The following MAMDC2 variants were observed in gnomAD, a reference collection of about 807,000 sequenced individuals.
MAMDC2 encodes MAM domain-containing protein 2.
Under a neutral mutation model 89.8 loss-of-function variants are expected in MAMDC2, and 57 were observed. The observed-to-expected ratio is 0.63, with a 90% CI of 0.51 to 0.79. The LOEUF (loss-of-function observed/expected upper bound fraction) is 0.79. MAMDC2 is among the 30% of genes least tolerant of loss of function. The pLI is 0.00. For synonymous variants in MAMDC2, 313 were observed against 293.4 expected, an observed-to-expected ratio of 1.07 and a Z score of -0.68; for missense variants, 800 against 820.6, an observed-to-expected ratio of 0.97 and a Z score of 0.31.
intron 2 of MAMDC2, among the ~76,000 whole-genome samples, chr9:70,092,960 G>A (rs1003440004): frequency 6.6e-5 from 10 of 152,016 alleles, no homozygotes; most frequent in Non-Finnish European, 1.2e-4. Context: ...GAATATTCTT[G>A]TTCCTACTTG....
chr9:70,109,522 CATGCACACACATAT>C (rs1828441955), intron 3 of MAMDC2, among the ~76,000 whole-genome samples, 184 bp from the exon 4 acceptor site: 1 of 152,214 alleles, frequency 6.6e-6, no homozygotes, highest in African/African-American at 2.4e-5. Context: ...TGCACATGCG[CATGCACACACATAT>C]ATACACACAC....
intron 11 of MAMDC2, among the ~76,000 whole-genome samples, chr9:70,185,317 G>A (rs777366092): frequency 2.6e-5 from 4 of 152,302 alleles, no homozygotes; most frequent in Non-Finnish European, 4.4e-5. Context: ...GGTGTCTGTC[G>A]GTCCCTGCTG....
intron 7 of MAMDC2, among the ~76,000 whole-genome samples, chr9:70,137,279 G>A (rs1026607208): frequency 6.6e-6 from 1 of 152,106 alleles, no homozygotes; most frequent in African/African-American, 2.4e-5. Flanking sequence ...ATTTTGCCAT[G>A]TTTGCTTTAT....
At chr9:70,063,631 C>T (rs1827199699) in intron 2 of MAMDC2, among the ~76,000 whole-genome samples, 1 of 152,122 alleles carries the variant, frequency 6.6e-6, no homozygotes, top group Non-Finnish European at 1.5e-5. Context: ...CTTAATGTCT[C>T]TTCATTTACC....
intron 11 of MAMDC2, among the ~76,000 whole-genome samples, chr9:70,213,535 G>GT (rs1427306554): frequency 6.6e-6 from 1 of 152,052 alleles, no homozygotes; most frequent in East Asian, 1.9e-4. Context: ...ATATACTATG[G>GT]TCATTTTCAT....
chr9:70,061,442 G>A (rs1827149116), intron 2 of MAMDC2, among the ~76,000 whole-genome samples: 1 of 152,058 alleles, frequency 6.6e-6, no homozygotes, highest in South Asian at 2.1e-4. Flanking sequence ...TCACTGTATT[G>A]GTATTCTTTC....
intron 2 of MAMDC2, among the ~76,000 whole-genome samples, chr9:70,045,016 ACCAGCTGTGTGCCTCTGCAGG>A (rs745668885): frequency 1.1e-4 from 16 of 151,130 alleles, no homozygotes; most frequent in East Asian, 1.9e-4. Flanking sequence ...CTGCAGGCAC[ACCAGCTGTGTGCCTCTGCAGG>A]CCAGCAACCT....
rs537364532 is a variant in MAMDC2 at position 70,101,641 on chromosome 9, T to A, written c.149-6570T>A. Among the ~76,000 whole-genome samples the A allele has an allele frequency of 1.4e-3, 212 of 152,370 alleles. 1 individual carries two copies. Among genetic ancestry groups the A allele is most frequent in the Admixed American group, 3.2e-3 (49 of 15,308 alleles). ...CAGTACAGTAACATACTGTTACAGGTTTGTAGCCTAGGAGTAATAGGCTGT... is the reference window on the plus strand; with the variant it reads ...CAGTACAGTAACATACTGTTACAGGATTGTAGCCTAGGAGTAATAGGCTGT... On this transcript the variant is annotated intron_variant, in intron 2 of 13. Transcript: ENST00000377182.
At chr9:70,107,969 C>T (rs1828385201) in intron 2 of MAMDC2, among the ~76,000 whole-genome samples, 2 of 152,172 alleles carry the variant, frequency 1.3e-5, no homozygotes, top group Non-Finnish European at 2.9e-5. Context: ...AGACCACATG[C>T]CACCCTCTGA....
chr9:70,188,746 G>C (rs1045706700), intron 11 of MAMDC2: 1 of 129,716 alleles, frequency 7.7e-6, no homozygotes, highest in South Asian at 2.5e-4. Flanking sequence ...ACACTGAGAG[G>C]TGATCAAAAC....
chr9:70,212,349 C>T (rs1011194750), intron 11 of MAMDC2, among the ~76,000 whole-genome samples: 7 of 152,226 alleles, frequency 4.6e-5, no homozygotes, highest in Admixed American at 1.3e-4. Flanking sequence ...TCCCCAGCCT[C>T]GCTGCTGCCT....
intron 2 of MAMDC2, among the ~76,000 whole-genome samples, chr9:70,069,661 A>C (rs967766806): frequency 6.6e-6 from 1 of 152,176 alleles, no homozygotes; most frequent in African/African-American, 2.4e-5. Flanking sequence ...AAAGGTTCCA[A>C]CTCCTGAGAT....
intron 11 of MAMDC2, among the ~76,000 whole-genome samples, chr9:70,183,058 C>T (rs2032678633): frequency 6.6e-6 from 1 of 152,172 alleles, no homozygotes; most frequent in Non-Finnish European, 1.5e-5. Context: ...TCTTTGTTCT[C>T]ATTGGTTTCA....
chr9:70,198,160 G>GTA (rs755641073), intron 11 of MAMDC2, among the ~76,000 whole-genome samples: 6,233 of 50,832 alleles, frequency 0.12, 153 homozygotes, highest in South Asian at 0.24. Context: ...GTGTATGTGT[G>GTA]TATATATATA....
chr9:70,168,765 A>T lies in MAMDC2; in HGVS notation c.1468A>T (p.Thr490Ser). The change falls in exon 10 of 14, where the codon ACA becomes TCA. Residue 490 changes from threonine to serine, a missense_variant. Physicochemically the swap from Thr to Ser is moderately conservative, Grantham distance 58 (BLOSUM62 1). Transcript: ENST00000377182. ...TGGGCTTGTAGCCCTGGATGACATT[A>T]CAATACAATTGGGAAGCTGCTCATC... The part of the protein sequence containing the change: ...DCGLVALDDI[T>S]IQLGSCSSSE... 6.2e-7 allele frequency: 1 copy of T among 1,614,120 alleles called. No individual in the cohort carries two copies. The highest frequency in any genetic ancestry group is 1.7e-5 in the Admixed American group (1 of 60,004).
At chr9:70,197,820 A>G (rs952124935) in intron 11 of MAMDC2, among the ~76,000 whole-genome samples, 1 of 152,098 alleles carries the variant, frequency 6.6e-6, no homozygotes, top group African/African-American at 2.4e-5. Flanking sequence ...GTCATAGCTC[A>G]TTCATCCAGG....
chr9:70,221,817 A>G (rs1159492407), intron 12 of MAMDC2, among the ~76,000 whole-genome samples: 1 of 152,056 alleles, frequency 6.6e-6, no homozygotes. Context: ...GGAAAATAAG[A>G]GGAAGAAGAA....
chr9:70,070,024 A>C (rs539430247), intron 2 of MAMDC2, among the ~76,000 whole-genome samples: 42 of 152,328 alleles, frequency 2.8e-4, no homozygotes, highest in South Asian at 6.2e-4. Flanking sequence ...TGAACTTTGG[A>C]AATAGCGTAG....
At position 70,169,331 on chromosome 9, in the gene MAMDC2, T is replaced by C. The variant is rs1382449000; in HGVS notation, c.1498+536T>C. Among the ~76,000 whole-genome samples the C allele has an allele frequency of 2.0e-5, 3 of 152,182 alleles. No individual in the cohort carries two copies. In the South Asian group the frequency reaches 6.2e-4, roughly 32 times the overall value. ...GCTATGTGTCATACATTACGCCTAA[T>C]GAGAAAATGGTGCATAACTCAATCC... is the stretch of plus-strand genomic sequence containing the variant. On this transcript the variant is annotated intron_variant, in intron 10 of 13. Transcript: ENST00000377182.
Sources: allele counts gnomAD v4.1 joint callset (sites outside exome capture counted in the v4.1 genomes callset), GRCh38; gene constraint gnomAD v4.1.1; transcripts MANE v1.5; gene names NCBI Gene and HGNC (gene_info 2026-07-23, HGNC 2026-07-21).